Variants in FHIT observed in about 807,000 individuals in gnomAD.
The protein encoded by FHIT is fragile histidine triad diadenosine triphosphatase.
A neutral mutation model predicts 17.9 loss-of-function variants in FHIT; 19 were observed. The observed-to-expected ratio is 1.06, with a 90% CI of 0.74 to 1.56. The LOEUF (loss-of-function observed/expected upper bound fraction) is 1.56, where lower values mean the gene tolerates loss of function less well. Ranked by LOEUF, FHIT falls within the 40% of genes most tolerant of loss-of-function variation. The pLI, the probability that FHIT is intolerant of heterozygous loss-of-function variation, is 0.00. For missense variants in FHIT, 248 were observed against 189.2 expected, an observed-to-expected ratio of 1.31 and a Z score of -1.82; for synonymous variants, 81 against 69.7, an observed-to-expected ratio of 1.16 and a Z score of -0.81.
intron 5 of FHIT, among the ~76,000 whole-genome samples, chr3:60,103,006 A>C (rs377399211): frequency 6.6e-6 from 1 of 152,186 alleles, no homozygotes; most frequent in Non-Finnish European, 1.5e-5. Flanking sequence ...TGTGACAATG[A>C]ATATTATTTA....
intron 5 of FHIT, among the ~76,000 whole-genome samples, chr3:60,389,233 G>C (rs998913119): frequency 6.6e-6 from 1 of 152,122 alleles, no homozygotes; most frequent in Non-Finnish European, 1.5e-5. Context: ...TCTGGAGCAA[G>C]GGCCTACCTG....
intron 5 of FHIT, among the ~76,000 whole-genome samples, chr3:60,047,018 T>A (rs550437465): frequency 6.6e-6 from 1 of 152,354 alleles, no homozygotes; most frequent in East Asian, 1.9e-4. Context: ...TGCTAGAACT[T>A]GATGTGTGAA....
intron 5 of FHIT, among the ~76,000 whole-genome samples, chr3:60,191,938 C>T (rs765875268): frequency 2.0e-5 from 3 of 151,850 alleles, no homozygotes; most frequent in Non-Finnish European, 4.4e-5. Context: ...AACCAAAACA[C>T]CTACAATCAA....
intron 7 of FHIT, among the ~76,000 whole-genome samples, chr3:59,988,530 T>C (rs1431993578): frequency 6.6e-6 from 1 of 152,082 alleles, no homozygotes; most frequent in East Asian, 1.9e-4. Flanking sequence ...CATTCACCCA[T>C]TCATTTATTC....
At chr3:60,397,133 T>C (rs1701477496) in intron 5 of FHIT, among the ~76,000 whole-genome samples, 1 of 152,200 alleles carries the variant, frequency 6.6e-6, no homozygotes, top group African/African-American at 2.4e-5. Flanking sequence ...GGTAGTATTC[T>C]CTCTACTCAA....
At chr3:59,807,983 TA>T (rs1383274806) in intron 8 of FHIT, among the ~76,000 whole-genome samples, 2 of 152,204 alleles carry the variant, frequency 1.3e-5, no homozygotes, top group Admixed American at 1.3e-4. Context: ...CAGTGGCATT[TA>T]GTGCATTCAA....
chr3:59,913,189 GTGTGTGT>G (rs1166804529), intron 8 of FHIT, among the ~76,000 whole-genome samples: 2 of 152,140 alleles, frequency 1.3e-5, no homozygotes, highest in Admixed American at 6.5e-5. Context: ...GAAATCCAGT[GTGTGTGT>G]TGTGTGTCGT....
chr3:60,445,084 T>C (rs1370612259), intron 5 of FHIT, among the ~76,000 whole-genome samples: 2 of 152,216 alleles, frequency 1.3e-5, no homozygotes, highest in Admixed American at 6.5e-5. Context: ...GGTAACTCCA[T>C]GTGGATTACC....
chr3:61,243,806 C>T (rs1039245005), intron 1 of FHIT, among the ~76,000 whole-genome samples: 2 of 152,076 alleles, frequency 1.3e-5, no homozygotes, highest in Non-Finnish European at 2.9e-5. Flanking sequence ...CTTAGACAAG[C>T]ACAGCAAGAG....
intron 5 of FHIT, among the ~76,000 whole-genome samples, chr3:60,225,390 G>C (rs945182511): frequency 2.6e-5 from 4 of 152,198 alleles, no homozygotes; most frequent in African/African-American, 4.8e-5. Flanking sequence ...GATACACCAA[G>C]TGCTGGAGGA....
intron 5 of FHIT, among the ~76,000 whole-genome samples, chr3:60,163,131 T>G (rs1381487065): frequency 4.7e-5 from 2 of 42,540 alleles, no homozygotes; most frequent in African/African-American, 1.6e-4. Context: ...TCTCTTTCAC[T>G]GCCCTATGGC....
chr3:60,104,740 A>G (rs1453616395), intron 5 of FHIT, among the ~76,000 whole-genome samples: 1 of 152,138 alleles, frequency 6.6e-6, no homozygotes, highest in Non-Finnish European at 1.5e-5. Flanking sequence ...AAAATTTAGA[A>G]TTTTTAAAAA....
At chr3:60,345,506 C>T (rs1164358807) in intron 5 of FHIT, among the ~76,000 whole-genome samples, 5 of 152,144 alleles carry the variant, frequency 3.3e-5, no homozygotes, top group Non-Finnish European at 7.3e-5. Context: ...TTTTCAAGCT[C>T]ACAGAGAATG....
At chr3:60,176,556 C>T (rs892431674) in intron 5 of FHIT, among the ~76,000 whole-genome samples, 1 of 152,150 alleles carries the variant, frequency 6.6e-6, no homozygotes, top group Non-Finnish European at 1.5e-5. Context: ...TAAACAAACA[C>T]CTGGCAACTG....
intron 4 of FHIT, among the ~76,000 whole-genome samples, chr3:60,759,896 G>A (rs912216018): frequency 6.6e-6 from 1 of 152,104 alleles, no homozygotes; most frequent in African/African-American, 2.4e-5. Context: ...AATGAATTAT[G>A]CAGGCTTCTT....
At chr3:60,054,898 AT>A in intron 5 of FHIT, among the ~76,000 whole-genome samples, 1 of 152,218 alleles carries the variant, frequency 6.6e-6, no homozygotes, top group South Asian at 2.1e-4. Flanking sequence ...TTTGTGTTTT[AT>A]TTTTGTTTAC....
chr3:61,211,556 G>A (rs9856189), intron 1 of FHIT, among the ~76,000 whole-genome samples: 65,463 of 152,068 alleles, frequency 0.43, 14,493 homozygotes, highest in East Asian at 0.58. Flanking sequence ...CTGCCTCTGT[G>A]GGCTCCACCT....
At chr3:61,132,641 A>G (rs940054645) in intron 2 of FHIT, among the ~76,000 whole-genome samples, 2 of 152,184 alleles carry the variant, frequency 1.3e-5, no homozygotes, top group Non-Finnish European at 2.9e-5. Flanking sequence ...AGAGAAACCC[A>G]AGGGTGTTGA....
chr3:60,011,939 C>G (rs1375895013), intron 6 of FHIT, among the ~76,000 whole-genome samples: 1 of 152,102 alleles, frequency 6.6e-6, no homozygotes, highest in Non-Finnish European at 1.5e-5. Context: ...GTTTCTGAAG[C>G]TTAGTTGGAA....
Sources: gnomAD v4.1 joint callset for allele counts (sites outside exome capture counted in the v4.1 genomes callset) on GRCh38, gnomAD v4.1.1 for gene constraint, MANE v1.5 for transcripts, NCBI Gene and HGNC (gene_info 2026-07-23, HGNC 2026-07-21) for gene names.